EIF3CL: variants seen among roughly 807,000 people sequenced by gnomAD.
EIF3CL encodes the protein eukaryotic translation initiation factor 3 subunit C like, also known as eukaryotic translation initiation factor 3 subunit C-like protein.
For missense variants in EIF3CL, 5 were observed against 56.1 expected (o/e 0.09, Z 2.91); for synonymous variants, 2 against 19.6 (o/e 0.10, Z 2.37).
At chr16:28,421,767 G>C in the EIF3CL span, among the ~76,000 whole-genome samples, 1 of 121,146 alleles carries the variant, frequency 8.3e-6, no homozygotes, top group Non-Finnish European at 1.8e-5. Flanking sequence ...AGCTGAGATG[G>C]TGCCACTGCA....
the EIF3CL span, among the ~76,000 whole-genome samples, chr16:28,416,797 G>A: frequency 1.1e-5 from 1 of 91,350 alleles, no homozygotes; most frequent in Non-Finnish European, 2.5e-5. Flanking sequence ...CCCCGTCCGG[G>A]AGGTGAGGGG....
At chr16:28,403,120 C>G (rs1392956498) in intron 2 of EIF3CL, among the ~76,000 whole-genome samples, 7 of 142,628 alleles carry the variant, frequency 4.9e-5, no homozygotes, top group Non-Finnish European at 1.1e-4. Flanking sequence ...CAGCAGGTGA[C>G]CAGACTTCAG....
chr16:28,396,743 C>A (rs1200050960), intron 8 of EIF3CL, among the ~76,000 whole-genome samples: 7 of 33,546 alleles, frequency 2.1e-4, no homozygotes, highest in East Asian at 6.3e-4. Context: ...AAAGCTATTA[C>A]AAAATTTAAA....
upstream of EIF3CL, among the ~76,000 whole-genome samples, chr16:28,408,237 A>AG (rs2045688306): frequency 1.1e-5 from 1 of 90,612 alleles, no homozygotes. Context: ...AAAAAAAAAA[A>AG]GGGAAAGAAA....
At chr16:28,417,151 AG>A in the EIF3CL span, among the ~76,000 whole-genome samples, 1 of 124,986 alleles carries the variant, frequency 8.0e-6, no homozygotes, top group Non-Finnish European at 1.7e-5. Flanking sequence ...TTGGGGGGTC[AG>A]CCCCCCGCCC....
upstream of EIF3CL, among the ~76,000 whole-genome samples, chr16:28,405,882 T>TACAC (rs374626829): frequency 1.3e-4 from 20 of 149,484 alleles, no homozygotes; most frequent in Admixed American, 2.6e-4. Context: ...TCTTTGTGTA[T>TACAC]ACACACACAC....
chr16:28,418,809 T>C, the EIF3CL span, among the ~76,000 whole-genome samples: 45 of 144,358 alleles, frequency 3.1e-4, no homozygotes, highest in African/African-American at 9.6e-4. Context: ...TTTGTACTTT[T>C]AGTAGAGATA....
chr16:28,415,848 C>CTCTCCGTCTCCGTCTCCA, the EIF3CL span, among the ~76,000 whole-genome samples: 1 of 75,938 alleles, frequency 1.3e-5, no homozygotes, highest in African/African-American at 4.2e-5. Context: ...CTCCCTCTCC[C>CTCTCCGTCTCCGTCTCCA]TCTCCGTCTC....
the EIF3CL span, among the ~76,000 whole-genome samples, chr16:28,418,924 CTGGCCCCT>C: frequency 6.8e-6 from 1 of 147,298 alleles, no homozygotes; most frequent in Non-Finnish European, 1.5e-5. Context: ...GCCACCCCAC[CTGGCCCCT>C]TGCAAGTCTT....
At chr16:28,417,883 A>C in the EIF3CL span, among the ~76,000 whole-genome samples, 1 of 148,074 alleles carries the variant, frequency 6.8e-6, no homozygotes, top group Admixed American at 6.7e-5. Context: ...AAAAAAAAAA[A>C]AAAAAAAAAA....
chr16:28,417,125 C>A, the EIF3CL span, among the ~76,000 whole-genome samples: 21 of 133,094 alleles, frequency 1.6e-4, 1 homozygote, highest in Non-Finnish European at 2.8e-4. Flanking sequence ...GCCAGCCGCC[C>A]GGTCCGGGAG....
At chr16:28,392,430 C>T in intron 8 of EIF3CL, among the ~76,000 whole-genome samples, 1 of 115,834 alleles carries the variant, frequency 8.6e-6, no homozygotes, top group Non-Finnish European at 1.9e-5. Context: ...GGAACCCCAT[C>T]TCTACTAAAA....
At chr16:28,417,116 C>T in the EIF3CL span, among the ~76,000 whole-genome samples, 502 of 124,732 alleles carry the variant, frequency 4.0e-3, no homozygotes, top group Non-Finnish European at 5.4e-3. Flanking sequence ...CTCTGCCCGG[C>T]CAGCCGCCCG....
At chr16:28,392,803 G>T (rs1415203379) in intron 8 of EIF3CL, among the ~76,000 whole-genome samples, 1 of 149,270 alleles carries the variant, frequency 6.7e-6, no homozygotes, top group Non-Finnish European at 1.5e-5. Context: ...TTCCTAAACT[G>T]TTTTATCGCT....
the EIF3CL span, among the ~76,000 whole-genome samples, chr16:28,417,626 G>A: frequency 3.0e-4 from 30 of 99,172 alleles, no homozygotes; most frequent in Non-Finnish European, 4.1e-4. Flanking sequence ...CAGCATGCTC[G>A]TTAAGAGTCA....
chr16:28,410,555 C>CACAA, the EIF3CL span, among the ~76,000 whole-genome samples: 8 of 107,664 alleles, frequency 7.4e-5, no homozygotes, highest in Admixed American at 5.5e-4. Flanking sequence ...GGTTTGGTGT[C>CACAA]TATCATCATC....
chr16:28,421,858 A>G, the EIF3CL span, among the ~76,000 whole-genome samples: 18 of 133,294 alleles, frequency 1.4e-4, no homozygotes, highest in Non-Finnish European at 2.0e-4. Flanking sequence ...TTCTCTTGCT[A>G]TCTGCCTTTT....
upstream of EIF3CL, among the ~76,000 whole-genome samples, chr16:28,405,902 TAC>T (rs534198201): frequency 2.1e-4 from 13 of 61,364 alleles, no homozygotes; most frequent in South Asian, 7.1e-4. Context: ...CACACACACA[TAC>T]ACACACACAC....
At chr16:28,417,300 C>A in the EIF3CL span, among the ~76,000 whole-genome samples, 6 of 148,488 alleles carry the variant, frequency 4.0e-5, no homozygotes, top group Non-Finnish European at 7.5e-5. Context: ...CCGGCCACCA[C>A]CCCGTCTGGG....
Sources: allele counts gnomAD v4.1 joint callset (sites outside exome capture counted in the v4.1 genomes callset), GRCh38; gene constraint gnomAD v4.1.1; transcripts MANE v1.5; gene names NCBI Gene and HGNC (gene_info 2026-07-23, HGNC 2026-07-21).